The following EBF1 variants were observed in gnomAD, a reference collection of about 807,000 sequenced individuals.
EBF1 encodes transcription factor COE1.
Under a neutral mutation model 68.4 loss-of-function variants are expected in EBF1, and 10 were observed. The ratio of observed to expected loss-of-function variants is 0.15; its 90% CI spans 0.09 to 0.25. The LOEUF (loss-of-function observed/expected upper bound fraction) is 0.25. Ranked by LOEUF, EBF1 falls within the 10% of genes least tolerant of loss-of-function variation. The probability of loss-of-function intolerance (pLI) is 1.00; values close to 1 mark genes in which losing one functional copy is unlikely to be tolerated. For synonymous variants in EBF1, 298 were observed against 299.8 expected (o/e 0.99, Z 0.06); for missense variants, 509 against 794.4 (o/e 0.64, Z 4.32).
At chr5:159,029,000 C>T (rs1009584735) in intron 6 of EBF1, among the ~76,000 whole-genome samples, 9 of 152,100 alleles carry the variant, frequency 5.9e-5, no homozygotes, top group African/African-American at 1.9e-4. Context: ...GTTTCACAAC[C>T]CTAAAGTATA....
chr5:158,975,053 G>A (rs1232114378), intron 6 of EBF1, among the ~76,000 whole-genome samples: 1 of 152,164 alleles, frequency 6.6e-6, no homozygotes, highest in Admixed American at 6.5e-5. Context: ...ATCAGCTCTG[G>A]TCACTGATGA....
intron 6 of EBF1, among the ~76,000 whole-genome samples, chr5:158,925,612 T>C (rs1420607486): frequency 6.6e-6 from 1 of 152,204 alleles, no homozygotes; most frequent in African/African-American, 2.4e-5. Context: ...CTCTGATGGT[T>C]AGGTGACCTT....
At chr5:158,707,253 T>G (rs1387594044) in intron 15 of EBF1, among the ~76,000 whole-genome samples, 1 of 152,034 alleles carries the variant, frequency 6.6e-6, no homozygotes, top group African/African-American at 2.4e-5. Flanking sequence ...ATAAGAAAAA[T>G]GTAAGAAATG....
chr5:159,016,604 C>T (rs1765667740), intron 6 of EBF1, among the ~76,000 whole-genome samples: 1 of 152,124 alleles, frequency 6.6e-6, no homozygotes, highest in Non-Finnish European at 1.5e-5. Context: ...CAGGAATTTG[C>T]CACGCCTTCT....
intron 9 of EBF1, among the ~76,000 whole-genome samples, chr5:158,784,398 C>G (rs1274446278): frequency 6.6e-6 from 1 of 152,178 alleles, no homozygotes; most frequent in Non-Finnish European, 1.5e-5. Flanking sequence ...TGGATTGTAT[C>G]TGCAGCTTTT....
At chr5:158,824,357 T>G (rs1373137500) in intron 7 of EBF1, among the ~76,000 whole-genome samples, 1 of 152,230 alleles carries the variant, frequency 6.6e-6, no homozygotes, top group Non-Finnish European at 1.5e-5. Context: ...AGGGGAAACC[T>G]CAGGCTCTTT....
At chr5:158,797,696 A>T (rs1329724273) in intron 8 of EBF1, among the ~76,000 whole-genome samples, 1 of 152,188 alleles carries the variant, frequency 6.6e-6, no homozygotes, top group Non-Finnish European at 1.5e-5. Context: ...CACCACACAA[A>T]CAAATAGAAT....
At chr5:158,897,907 A>T (rs781603427) in intron 6 of EBF1, among the ~76,000 whole-genome samples, 14 of 152,198 alleles carry the variant, frequency 9.2e-5, no homozygotes, top group Non-Finnish European at 1.5e-4. Flanking sequence ...TACTACCTCC[A>T]CTGGACTGCT....
At chr5:158,803,488 C>A (rs1781004731) in intron 8 of EBF1, among the ~76,000 whole-genome samples, 1 of 151,778 alleles carries the variant, frequency 6.6e-6, no homozygotes, top group African/African-American at 2.4e-5. Flanking sequence ...TTTCTTCCAG[C>A]TGGAAGACTG....
intron 9 of EBF1, among the ~76,000 whole-genome samples, chr5:158,793,593 T>C (rs1468189958): frequency 6.6e-6 from 1 of 152,180 alleles, no homozygotes; most frequent in African/African-American, 2.4e-5. Context: ...TATGGTATAG[T>C]TCAAATCCAG....
intron 10 of EBF1, among the ~76,000 whole-genome samples, chr5:158,751,860 T>G (rs1768971343): frequency 6.6e-6 from 1 of 152,064 alleles, no homozygotes; most frequent in Admixed American, 6.5e-5. Context: ...TTTGAGCATT[T>G]GTAAGTTGCT....
chr5:158,875,032 C>A (rs1030340268), intron 6 of EBF1, among the ~76,000 whole-genome samples: 2 of 130,518 alleles, frequency 1.5e-5, no homozygotes, highest in Non-Finnish European at 3.2e-5. Context: ...GAGAGATGAA[C>A]ACACACAAGC....
chr5:158,734,054 G>GA (rs1388301850), intron 10 of EBF1, among the ~76,000 whole-genome samples: 7 of 152,062 alleles, frequency 4.6e-5, no homozygotes, highest in Admixed American at 2.0e-4. Context: ...AATGCCATAG[G>GA]AAAAAATATT....
chr5:158,944,221 C>T (rs1446657348), intron 6 of EBF1, among the ~76,000 whole-genome samples: 1 of 152,062 alleles, frequency 6.6e-6, no homozygotes, highest in African/African-American at 2.4e-5. Flanking sequence ...CTCCCCTTGT[C>T]CTCCACCCCC....
intron 6 of EBF1, among the ~76,000 whole-genome samples, chr5:158,931,516 T>C (rs566516175): frequency 2.4e-4 from 37 of 152,360 alleles, no homozygotes; most frequent in Non-Finnish European, 4.6e-4. Flanking sequence ...GTCAGTTCCC[T>C]GAAACATCTC....
intron 6 of EBF1, among the ~76,000 whole-genome samples, chr5:158,849,769 A>G (rs1323678021): frequency 6.6e-6 from 1 of 152,258 alleles, no homozygotes; most frequent in African/African-American, 2.4e-5. Flanking sequence ...CTTTTCTATG[A>G]ATAGGCACTA....
intron 6 of EBF1, among the ~76,000 whole-genome samples, chr5:158,969,917 A>AAAGAAAGAAACAAAG (rs1491531766): frequency 2.0e-5 from 1 of 50,880 alleles, no homozygotes; most frequent in East Asian, 3.5e-4. Context: ...AGAAAGAAAG[A>AAAGAAAGAAACAAAG]AAAAAAAAAA....
At chr5:158,745,566 C>G (rs760121215) in intron 10 of EBF1, among the ~76,000 whole-genome samples, 2 of 152,190 alleles carry the variant, frequency 1.3e-5, no homozygotes, top group Non-Finnish European at 2.9e-5. Flanking sequence ...GTGCCTACAT[C>G]AGTTCTCAAG....
In EBF1 at chr5:158,714,281, A is replaced by G. The variant is rs559456363; in HGVS notation, c.1126-99T>C. On this transcript the variant is annotated intron_variant, in intron 11 of 15. Transcript: ENST00000313708. ...CAGTCCCTCTGGCCATACTTTGCCA[A>G]GGCACTGCTATAAAGGCCGTAGCTT... The G allele has an allele frequency of 2.1e-4, 295 of 1,386,380 alleles. No homozygotes were observed. In the African/African-American group the frequency reaches 3.9e-3, roughly 19 times the overall value. 85.9% of individuals were successfully genotyped at this position (1,386,380 alleles called of 1,614,324 possible).
Sources: gnomAD v4.1 joint callset for allele counts (sites outside exome capture counted in the v4.1 genomes callset) on GRCh38, gnomAD v4.1.1 for gene constraint, MANE v1.5 for transcripts, NCBI Gene and HGNC (gene_info 2026-07-23, HGNC 2026-07-21) for gene names.